The following RPS23 variants were observed in gnomAD, a reference collection of about 807,000 sequenced individuals.
RPS23 encodes ribosomal protein S23.
For missense variants in RPS23, 73 were observed against 174.5 expected (o/e 0.42, Z 3.28); for synonymous variants, 66 against 60.4 (o/e 1.09, Z -0.43).
At position 82,275,367 on chromosome 5, in the gene RPS23, C is replaced by G; in HGVS notation, c.*742G>C. 4 of 701,414 alleles carry G rather than the reference C, an allele frequency of 5.7e-6. No individual in the cohort carries two copies. The South Asian group carries it at 5.9e-5, about 10-fold the overall frequency. The allele number at this position is 701,414 out of a possible 1,614,324, so 43.4% of individuals were successfully genotyped here. On this transcript the variant is annotated 3_prime_UTR_variant, in exon 4 of 4. Transcript: ENST00000296674. Reference sequence around the variant, plus strand: ...CTAGCTTAAATTATCAAAACACAACCAATCTTGTCTCTACACTAAACCACT... The same window carrying G: ...CTAGCTTAAATTATCAAAACACAACGAATCTTGTCTCTACACTAAACCACT...
At chr5:82,278,259 G>T in intron 1 of RPS23, 61 bp downstream of exon 1, 1 of 1,282,622 alleles carries the variant, frequency 7.8e-7, no homozygotes, top group Non-Finnish European at 1.0e-6. Context: ...GCATCCGCCC[G>T]CCCGTCCCCA....
chr5:82,276,627 T>A, intron 2 of RPS23, 109 bp from the exon 3 acceptor site: 1 of 1,402,958 alleles, frequency 7.1e-7, no homozygotes, highest in Admixed American at 2.1e-5. Flanking sequence ...CAATCTAACC[T>A]CAAATGGCTG....
In RPS23 at chr5:82,273,727, G is replaced by T; in HGVS notation, c.*2382C>A. 1 of 152,024 alleles carries T rather than the reference G, an allele frequency of 6.6e-6. No individual in the cohort carries two copies. Among genetic ancestry groups the T allele is most frequent in the African/African-American group, 2.4e-5 (1 of 41,346 alleles). The allele number at this position is 152,024 out of a possible 1,614,324, so 9.4% of individuals were successfully genotyped here. A position where few individuals can be genotyped will look rare whatever the true frequency, so the allele number is the denominator to read the frequency against. On this transcript the variant is annotated 3_prime_UTR_variant, in exon 4 of 4. Coordinates refer to ENST00000296674, the MANE Select transcript of RPS23 (RefSeq NM_001025.5). ...AAACAATATAAAACAATATGAGAAGGTCTCTCTCTTCCCTCAAGAGTGTAT... is the reference window on the plus strand; with the variant it reads ...AAACAATATAAAACAATATGAGAAGTTCTCTCTCTTCCCTCAAGAGTGTAT...
rs1009452695 is a variant in RPS23, at chr5:82,274,253, G to A, written c.*1856C>T. On this transcript the variant is annotated 3_prime_UTR_variant, in exon 4 of 4. Coordinates refer to ENST00000296674, the MANE Select transcript of RPS23 (RefSeq NM_001025.5). ...TGTCTCTCCTCCATGGATACATGAA[G>A]GAAAGGGCCTTGGACACAAGGCAGT... 2.6e-5 allele frequency: 4 copies of A among 152,216 alleles called. No homozygotes were observed. The highest frequency in any genetic ancestry group is 9.7e-5 in the African/African-American group (4 of 41,422). 9.4% of individuals were successfully genotyped at this position (152,216 alleles called of 1,614,324 possible). A position where few individuals can be genotyped will look rare whatever the true frequency, so the allele number is the denominator to read the frequency against.
At chr5:82,277,595 T>A in intron 2 of RPS23, 98 bp downstream of exon 2, 1 of 1,232,382 alleles carries the variant, frequency 8.1e-7, no homozygotes, top group African/African-American at 1.5e-5. Context: ...TGAATACTAC[T>A]ACACAAAAAC....
chr5:82,273,449 C>A lies in RPS23; in HGVS notation c.*2660G>T, dbSNP rs1027722635. The A allele has an allele frequency of 3.4e-5, 5 of 149,220 alleles. No homozygotes were observed. The highest frequency in any genetic ancestry group is 5.2e-5 in the African/African-American group (2 of 38,654). The allele number at this position is 149,220 out of a possible 1,614,324, so 9.2% of individuals were successfully genotyped here. ...CACTAAAGATTTCACATGAAAGGGT[C>A]GTGATTGATTGAGCAATCTAGGGGA... On this transcript the variant is annotated 3_prime_UTR_variant, in exon 4 of 4. Coordinates refer to ENST00000296674, the MANE Select transcript of RPS23 (RefSeq NM_001025.5).
chr5:82,276,699 G>A (rs1747789035), intron 2 of RPS23, 181 bp from the exon 3 acceptor site: 2 of 711,934 alleles, frequency 2.8e-6, no homozygotes, highest in African/African-American at 1.8e-5. Flanking sequence ...AGCACAATGG[G>A]GGAAATTTCT....
At chr5:82,278,086 C>T in intron 1 of RPS23, 2 of 665,004 alleles carry the variant, frequency 3.0e-6, no homozygotes, top group South Asian at 2.0e-5. Context: ...CTCGAATGCC[C>T]GGGAGGAAGC....
chr5:82,275,183 C>G lies in RPS23; in HGVS notation c.*926G>C. 1.4e-6 allele frequency: 1 copy of G among 701,528 alleles called. No homozygotes were observed. The highest frequency in any genetic ancestry group is 2.6e-6 in the Non-Finnish European group (1 of 384,546). 43.5% of individuals were successfully genotyped at this position (701,528 alleles called of 1,614,324 possible). On this transcript the variant is annotated 3_prime_UTR_variant, in exon 4 of 4. Coordinates refer to ENST00000296674, the MANE Select transcript of RPS23 (RefSeq NM_001025.5). ...AAACAATGTAAAGCTAGGCTTTGAT[C>G]AAAGGGCTAATTAACCCATACTTAC...
chr5:82,273,887 A>G lies in RPS23; in HGVS notation c.*2222T>C, dbSNP rs909348450. 1.3e-5 allele frequency: 2 copies of G among 152,130 alleles called. No homozygotes were observed. The highest frequency in any genetic ancestry group is 4.8e-5 in the African/African-American group (2 of 41,430). 9.4% of individuals were successfully genotyped at this position (152,130 alleles called of 1,614,324 possible). ...TTAACAGGATTTTTCAGAGAGAAAA[A>G]GTTTTTTAATTTTAATGAAATCCAC... On this transcript the variant is annotated 3_prime_UTR_variant, in exon 4 of 4. Coordinates refer to ENST00000296674, the MANE Select transcript of RPS23 (RefSeq NM_001025.5).
rs181981857 is a variant in RPS23 at position 82,275,008 on chromosome 5, G to A, written c.*1101C>T. The A allele has an allele frequency of 1.8e-6, 1 of 548,328 alleles. No individual in the cohort carries two copies. The highest frequency in any genetic ancestry group is 3.3e-6 in the Non-Finnish European group (1 of 307,542). 34.0% of individuals were successfully genotyped at this position (548,328 alleles called of 1,614,324 possible). On this transcript the variant is annotated 3_prime_UTR_variant, in exon 4 of 4. Coordinates refer to ENST00000296674, the MANE Select transcript of RPS23 (RefSeq NM_001025.5). ...TGACCAACTGAGACCAGTGTTGCTG[G>A]AGCACAAAGTGCCAAGGAGAGAAAT...
Position 82,275,861 on chromosome 5 carries a change from T to C in RPS23, c.*248A>G. ...ATTCCAGATCTATCCCATTTTCTTATTCCACAGGATGAGGGAAACTGTGCC... is the reference window on the plus strand; with the variant it reads ...ATTCCAGATCTATCCCATTTTCTTACTCCACAGGATGAGGGAAACTGTGCC... On this transcript the variant is annotated 3_prime_UTR_variant, in exon 4 of 4. Coordinates refer to ENST00000296674, the MANE Select transcript of RPS23 (RefSeq NM_001025.5). 2.1e-6 allele frequency: 1 copy of C among 465,484 alleles called. No homozygotes were observed. Among genetic ancestry groups the C allele is most frequent in the Non-Finnish European group, 3.8e-6 (1 of 262,634 alleles). 28.8% of individuals were successfully genotyped at this position (465,484 alleles called of 1,614,324 possible). A position where few individuals can be genotyped will look rare whatever the true frequency, so the allele number is the denominator to read the frequency against.
rs77240237 is a variant in RPS23, at chr5:82,277,648, G to T, written c.164+45C>A. The T allele has an allele frequency of 5.0e-6, 8 of 1,584,490 alleles. No individual in the cohort carries two copies. The African/African-American group carries it at 9.4e-5, about 19-fold the overall frequency. On this transcript the variant is annotated intron_variant, in intron 2 of 3. Transcript: ENST00000296674. ...ACAAGAATTCGTAAGTTCATGTCTCGAATTCCTATAATAAACTAAAACTTG... is the reference window on the plus strand; with the variant it reads ...ACAAGAATTCGTAAGTTCATGTCTCTAATTCCTATAATAAACTAAAACTTG...
intron 1 of RPS23, 48 bp from the exon 2 acceptor site, chr5:82,277,900 T>A: frequency 6.5e-7 from 1 of 1,541,864 alleles, no homozygotes; most frequent in Non-Finnish European, 8.9e-7. Flanking sequence ...GCCATCTACG[T>A]GTTTCCCATC....
At chr5:82,276,366 A>G (rs1247037389) in intron 3 of RPS23, 32 bp downstream of exon 3, 2 of 1,613,694 alleles carry the variant, frequency 1.2e-6, no homozygotes, top group Non-Finnish European at 8.5e-7. Context: ...CCACCCCAAG[A>G]ACAGAAGGTA....
Position 82,274,937 on chromosome 5 carries a change from C to T in RPS23, c.*1172G>A. The T allele has an allele frequency of 2.4e-6, 1 of 411,318 alleles. No individual in the cohort carries two copies. The highest frequency in any genetic ancestry group is 4.4e-5 in the East Asian group (1 of 22,614). 25.5% of individuals were successfully genotyped at this position (411,318 alleles called of 1,614,324 possible). On this transcript the variant is annotated 3_prime_UTR_variant, in exon 4 of 4. Coordinates refer to ENST00000296674, the MANE Select transcript of RPS23 (RefSeq NM_001025.5). ...GGCGACATGCAAGGAACCATAGTAA[C>T]AGGAACAGAGGTCCTGAGGCTGGAT...
chr5:82,275,638 C>T lies in RPS23; in HGVS notation c.*471G>A, dbSNP rs764863509. On this transcript the variant is annotated 3_prime_UTR_variant, in exon 4 of 4. Coordinates refer to ENST00000296674, the MANE Select transcript of RPS23 (RefSeq NM_001025.5). Reference sequence around the variant, plus strand: ...TGAGTTTACTATTTATCATCTTGGGCCCCTGTAAGATGGATACAAGAATGT... The same window carrying T: ...TGAGTTTACTATTTATCATCTTGGGTCCCTGTAAGATGGATACAAGAATGT... 6.3e-5 allele frequency: 20 copies of T among 318,378 alleles called. No individual in the cohort carries two copies. The highest frequency in any genetic ancestry group is 1.1e-4 in the Non-Finnish European group (19 of 174,788). The allele number at this position is 318,378 out of a possible 1,614,324, so 19.7% of individuals were successfully genotyped here. A position where few individuals can be genotyped will look rare whatever the true frequency, so the allele number is the denominator to read the frequency against.
chr5:82,277,979 G>T (rs371248899), intron 1 of RPS23, 127 bp from the exon 2 acceptor site: 1 of 875,686 alleles, frequency 1.1e-6, no homozygotes, highest in Non-Finnish European at 1.7e-6. Context: ...TTATTGGCCT[G>T]TGGGCCAAAC....
rs115865525 is a variant in RPS23 at position 82,275,629 on chromosome 5, C to A, written c.*480G>T. 1.5e-4 allele frequency: 49 copies of A among 332,244 alleles called. No individual in the cohort carries two copies. Among genetic ancestry groups the A allele is most frequent in the Non-Finnish European group, 2.5e-4 (46 of 183,506 alleles). 20.6% of individuals were successfully genotyped at this position (332,244 alleles called of 1,614,324 possible). ...GAGCAATTTTGAGTTTACTATTTAT[C>A]ATCTTGGGCCCCTGTAAGATGGATA... On this transcript the variant is annotated 3_prime_UTR_variant, in exon 4 of 4. Transcript: ENST00000296674.
Sources: allele counts gnomAD v4.1 joint callset, GRCh38; gene constraint gnomAD v4.1.1; transcripts MANE v1.5; gene names NCBI Gene and HGNC (gene_info 2026-07-23, HGNC 2026-07-21).